The following TYW1B variants were observed in gnomAD, a reference collection of about 807,000 sequenced individuals.
The protein encoded by TYW1B is S-adenosyl-L-methionine-dependent tRNA 4-demethylwyosine synthase TYW1B.
Under a neutral mutation model 86.9 loss-of-function variants are expected in TYW1B, and 73 were observed. The observed-to-expected ratio is 0.84, with a 90% confidence interval of 0.70 to 1.02. The LOEUF is 1.02. Ranked by LOEUF, TYW1B falls within the 50% of genes least tolerant of loss-of-function variation. The pLI, the probability that TYW1B is intolerant of heterozygous loss-of-function variation, is 0.00. For missense variants in TYW1B, 637 were observed against 827.4 expected (o/e 0.77, Z 2.82); for synonymous variants, 248 against 292.8 (o/e 0.85, Z 1.56).
At position 72,821,022 on chromosome 7, in the gene TYW1B, G is replaced by T. The variant is rs555978979; in HGVS notation, c.136-5541C>A. On this transcript the variant is annotated intron_variant, in intron 2 of 13. Coordinates refer to ENST00000620995, the MANE Select transcript of TYW1B (RefSeq NM_001145440.3). ...AGGTTTCACTCTGTCCCCCAGGCTGGAGTGCAGTGGCGCCATCTTGGCTCA... is the reference window on the plus strand; with the variant it reads ...AGGTTTCACTCTGTCCCCCAGGCTGTAGTGCAGTGGCGCCATCTTGGCTCA... Among the ~76,000 whole-genome samples the T allele has an allele frequency of 1.4e-4, 21 of 152,282 alleles. No individual in the cohort carries two copies. In the East Asian group the frequency reaches 4.1e-3, roughly 29 times the overall value.
At chr7:72,825,270 C>G (rs186891557) in intron 2 of TYW1B, among the ~76,000 whole-genome samples, 21 of 151,994 alleles carry the variant, frequency 1.4e-4, no homozygotes, top group Admixed American at 3.3e-4. Context: ...TGTTCCCCCC[C>G]AAAAAAGAGA....
At chr7:72,700,155 C>CTTTTTTTTTTTT (rs587689485) in intron 10 of TYW1B, among the ~76,000 whole-genome samples, 3 of 74,248 alleles carry the variant, frequency 4.0e-5, no homozygotes, top group African/African-American at 1.2e-4. Context: ...AGCTTTTACA[C>CTTTTTTTTTTTT]TTTTTTTTTT....
At position 72,744,612 on chromosome 7, in the gene TYW1B, T is replaced by C; in HGVS notation, c.965-11A>G. 1 of 1,613,228 alleles carries C rather than the reference T, an allele frequency of 6.2e-7. No homozygotes were observed. The highest frequency in any genetic ancestry group is 1.7e-5 in the Admixed American group (1 of 60,006). ...CCCTCGGAGCATCGACTATGACAAGTAAACAAATCACAATTTGAATAAAAT... is the reference window on the plus strand; with the variant it reads ...CCCTCGGAGCATCGACTATGACAAGCAAACAAATCACAATTTGAATAAAAT... On this transcript the variant is annotated splice_polypyrimidine_tract_variant and intron_variant, in intron 7 of 13. Coordinates refer to ENST00000620995, the MANE Select transcript of TYW1B (RefSeq NM_001145440.3).
At chr7:72,642,554 C>A (rs188095356) in intron 11 of TYW1B, among the ~76,000 whole-genome samples, 3 of 152,116 alleles carry the variant, frequency 2.0e-5, no homozygotes, top group African/African-American at 4.8e-5. Context: ...AGCTGAAGAA[C>A]GGACAAAGAA....
At chr7:72,715,553 A>G (rs1786763932) in intron 9 of TYW1B, among the ~76,000 whole-genome samples, 1 of 152,096 alleles carries the variant, frequency 6.6e-6, no homozygotes, top group African/African-American at 2.4e-5. Flanking sequence ...ACACATGAAC[A>G]CATAGAGGGG....
chr7:72,577,989 A>G (rs1350980564), intron 13 of TYW1B, among the ~76,000 whole-genome samples: 4 of 152,092 alleles, frequency 2.6e-5, no homozygotes, highest in Admixed American at 1.3e-4. Context: ...CACAGACACT[A>G]TAATGGCCCC....
chr7:72,704,782 CT>C (rs1481570893), intron 10 of TYW1B, among the ~76,000 whole-genome samples: 1 of 151,966 alleles, frequency 6.6e-6, no homozygotes, highest in East Asian at 1.9e-4. Flanking sequence ...AAAGTGGGCA[CT>C]GAAAAGTTAT....
At chr7:72,620,935 T>G (rs1380132756) in intron 12 of TYW1B, among the ~76,000 whole-genome samples, 2 of 152,174 alleles carry the variant, frequency 1.3e-5, no homozygotes, top group Non-Finnish European at 1.5e-5. Context: ...AAGAACAGGA[T>G]CATTTATGCA....
rs1811961894 is a variant in TYW1B, at chr7:72,612,652, G to A, written c.1785+4020C>T. The stretch of plus-strand genomic sequence containing the variant: ...GGTACCAAGTGTGAGACTCTGAAAA[G>A]GACACGTCGCCAACACAGTATTCCA... On this transcript the variant is annotated intron_variant, in intron 13 of 13. Coordinates refer to ENST00000620995, the MANE Select transcript of TYW1B (RefSeq NM_001145440.3). Among the ~76,000 whole-genome samples the A allele has an allele frequency of 3.3e-5, 5 of 152,218 alleles. No homozygotes were observed. The South Asian group carries it at 1.0e-3, about 32-fold the overall frequency.
chr7:72,605,149 C>T (rs1343942181), intron 13 of TYW1B, among the ~76,000 whole-genome samples: 4 of 152,250 alleles, frequency 2.6e-5, no homozygotes, highest in East Asian at 1.9e-4. Flanking sequence ...TAGAATATGA[C>T]AATGACAATA....
At chr7:72,763,181 T>G (rs1288799770) in intron 7 of TYW1B, among the ~76,000 whole-genome samples, 1 of 151,952 alleles carries the variant, frequency 6.6e-6, no homozygotes, top group African/African-American at 2.4e-5. Context: ...AAAGATTTTA[T>G]GTTTTATCAA....
intron 9 of TYW1B, among the ~76,000 whole-genome samples, chr7:72,727,956 G>A (rs3015857): frequency 0.7 from 105,740 of 152,042 alleles, 37,627 homozygotes; most frequent in Non-Finnish European, 0.77. Flanking sequence ...TTGAGAACCC[G>A]TAACCTCCAG....
chr7:72,615,715 C>G (rs1249553919), intron 13 of TYW1B, among the ~76,000 whole-genome samples: 1 of 151,910 alleles, frequency 6.6e-6, no homozygotes, highest in East Asian at 1.9e-4. Flanking sequence ...TTGAAAACTT[C>G]GGCAGGGAAA....
rs1376049196 is a variant in TYW1B, at chr7:72,574,779, C to T, written c.*719G>A. On this transcript the variant is annotated 3_prime_UTR_variant, in exon 14 of 14. Transcript: ENST00000620995. ...TTCAGTCCAAAGTGTGTTTGTGAGACTAATGACTCCATGCCCTCACATGGC... is the reference window on the plus strand; with the variant it reads ...TTCAGTCCAAAGTGTGTTTGTGAGATTAATGACTCCATGCCCTCACATGGC... 5.1e-6 allele frequency: 5 copies of T among 985,366 alleles called. No homozygotes were observed. In the African/African-American group the frequency reaches 8.7e-5, roughly 17 times the overall value. The allele number at this position is 985,366 out of a possible 1,614,324, so 61.0% of individuals were successfully genotyped here.
chr7:72,626,281 C>T (rs2129568643), intron 12 of TYW1B, among the ~76,000 whole-genome samples: 1 of 150,194 alleles, frequency 6.7e-6, no homozygotes, highest in South Asian at 2.1e-4. Context: ...TGTAAAACCT[C>T]TGATATGACA....
intron 8 of TYW1B, among the ~76,000 whole-genome samples, chr7:72,738,691 G>A (rs1482797914): frequency 3.9e-5 from 6 of 152,158 alleles, no homozygotes; most frequent in Non-Finnish European, 7.4e-5. Flanking sequence ...GAGAACCACC[G>A]ATTTAACAGG....
chr7:72,756,228 T>TTTATTTTATTTTATG (rs1787586320), intron 7 of TYW1B, among the ~76,000 whole-genome samples: 1 of 149,888 alleles, frequency 6.7e-6, no homozygotes, highest in East Asian at 1.9e-4. Flanking sequence ...TTTATTTTAT[T>TTTATTTTATTTTATG]TTATTTTATT....
At chr7:72,606,337 C>T (rs373885495) in intron 13 of TYW1B, among the ~76,000 whole-genome samples, 1,717 of 145,224 alleles carry the variant, frequency 0.012, 2 homozygotes, top group Middle Eastern at 0.018. Context: ...GGTCAGCAAA[C>T]ACTGAGTGGG....
chr7:72,670,203 T>A (rs1554446095), intron 11 of TYW1B, among the ~76,000 whole-genome samples: 1 of 152,176 alleles, frequency 6.6e-6, no homozygotes, highest in East Asian at 1.9e-4. Flanking sequence ...TGTGTTATCT[T>A]TTTTTGAGAC....
Sources: allele counts gnomAD v4.1 joint callset (sites outside exome capture counted in the v4.1 genomes callset), GRCh38; gene constraint gnomAD v4.1.1; transcripts MANE v1.5; gene names NCBI Gene and HGNC (gene_info 2026-07-23, HGNC 2026-07-21).